The following HHIP variants were observed in gnomAD, a reference collection of about 807,000 sequenced individuals.
The protein encoded by HHIP is hedgehog interacting protein.
A neutral mutation model predicts 74.0 loss-of-function variants in HHIP; 12 were observed. The observed-to-expected ratio is 0.16, with a 90% CI of 0.10 to 0.26. The LOEUF is 0.26. HHIP is among the 10% of genes least tolerant of loss of function. The pLI, the probability that HHIP is intolerant of heterozygous loss-of-function variation, is 1.00. For missense variants in HHIP, 788 were observed against 845.0 expected, an observed-to-expected ratio of 0.93 and a Z score of 0.84; for synonymous variants, 309 against 311.6, an observed-to-expected ratio of 0.99 and a Z score of 0.09.
intron 4 of HHIP, among the ~76,000 whole-genome samples, chr4:144,671,677 C>A (rs982650180): frequency 1.3e-5 from 2 of 152,134 alleles, no homozygotes; most frequent in Admixed American, 6.5e-5. Flanking sequence ...ACGGCCTCAT[C>A]TATGAAGTCA....
intron 11 of HHIP, among the ~76,000 whole-genome samples, chr4:144,730,853 T>C (rs1169325253): frequency 6.6e-6 from 1 of 152,154 alleles, no homozygotes; most frequent in African/African-American, 2.4e-5. Flanking sequence ...AGGGGAATGG[T>C]TGGAATCACC....
At position 144,734,810 on chromosome 4, in the gene HHIP, G is replaced by A. The variant is rs775431119; in HGVS notation, c.1830G>A (p.Arg610=). ...PAQTLTSECS[R]LCRNGYCTPT... is the part of the protein sequence containing the mutation. ...AGACACTGACTTCAGAGTGCTCCAG[G>A]CTCTGTCGAAACGGCTACTGCACCC... The change falls in exon 12 of 13, where the codon AGG becomes AGA. Residue 610 remains arginine, a synonymous_variant. Transcript: ENST00000296575. 4 of 1,613,002 alleles carry A rather than the reference G, an allele frequency of 2.5e-6. No homozygotes were observed. In the African/African-American group the frequency reaches 4.0e-5, roughly 16 times the overall value.
At chr4:144,689,502 A>G (rs996153699) in intron 4 of HHIP, among the ~76,000 whole-genome samples, 2 of 152,206 alleles carry the variant, frequency 1.3e-5, no homozygotes, top group Non-Finnish European at 2.9e-5. Flanking sequence ...TCTCTTTTAC[A>G]TATTTATCAT....
chr4:144,646,573 C>A lies in HHIP; in HGVS notation c.-103C>A. The A allele has an allele frequency of 1.6e-6, 2 of 1,214,568 alleles. No homozygotes were observed. Among genetic ancestry groups the A allele is most frequent in the Non-Finnish European group, 2.3e-6 (2 of 859,224 alleles). The allele number at this position is 1,214,568 out of a possible 1,614,324, so 75.2% of individuals were successfully genotyped here. On this transcript the variant is annotated 5_prime_UTR_variant, in exon 1 of 13. Coordinates refer to ENST00000296575, the MANE Select transcript of HHIP (RefSeq NM_022475.3). Reference sequence around the variant, plus strand: ...CTCCCTCTGTCTCTGGAGTGCCCTACAGCCCCGCAAACTCCTCCTGGAGCT... The same window carrying A: ...CTCCCTCTGTCTCTGGAGTGCCCTAAAGCCCCGCAAACTCCTCCTGGAGCT...
At chr4:144,671,257 T>C (rs1056616170) in intron 4 of HHIP, among the ~76,000 whole-genome samples, 3 of 152,122 alleles carry the variant, frequency 2.0e-5, no homozygotes, top group African/African-American at 7.2e-5. Flanking sequence ...GGCATAGCTC[T>C]TTAATTGCAT....
At chr4:144,695,060 G>T (rs1018332295) in intron 4 of HHIP, among the ~76,000 whole-genome samples, 2 of 151,734 alleles carry the variant, frequency 1.3e-5, no homozygotes, top group African/African-American at 4.8e-5. Flanking sequence ...TTATAAGGGG[G>T]TCTGAAAAAG....
chr4:144,716,286 CA>C (rs1183813333), intron 10 of HHIP, among the ~76,000 whole-genome samples: 1 of 152,070 alleles, frequency 6.6e-6, no homozygotes. Context: ...GAGACTTCAT[CA>C]GAAATAGTTT....
chr4:144,706,721 C>T, intron 5 of HHIP, 39 bp downstream of exon 5: 1 of 1,539,518 alleles, frequency 6.5e-7, no homozygotes, highest in Non-Finnish European at 8.8e-7. Context: ...AATTTCTCAT[C>T]TTATTTTCTC....
At chr4:144,680,135 C>T (rs952674834) in intron 4 of HHIP, among the ~76,000 whole-genome samples, 6 of 152,076 alleles carry the variant, frequency 3.9e-5, no homozygotes, top group African/African-American at 1.2e-4. Flanking sequence ...GTGTTTATGT[C>T]TTACATGTCT....
Position 144,743,981 on chromosome 4 carries a change from G to A in HHIP, c.*6024G>A, listed in dbSNP as rs1230220630. ...TTTCTGGAACAAATTAAGATTTCAT[G>A]TACAATAGAGTCCCTTTCCTAATAC... On this transcript the variant is annotated 3_prime_UTR_variant, in exon 13 of 13. Transcript: ENST00000296575. 1 of 152,046 alleles carries A rather than the reference G, an allele frequency of 6.6e-6. No individual in the cohort carries two copies. The highest frequency in any genetic ancestry group is 1.5e-5 in the Non-Finnish European group (1 of 67,968). The allele number at this position is 152,046 out of a possible 1,614,324, so 9.4% of individuals were successfully genotyped here.
chr4:144,646,814 C>G lies in HHIP; in HGVS notation c.139C>G (p.Arg47Gly). The change falls in exon 1 of 13, where the codon CGC becomes GGC. Residue 47 changes from arginine to glycine, a missense_variant. Physicochemically the swap from Arg to Gly is moderately radical, Grantham distance 125. This residue lies in a region of HHIP where 373 missense variants were observed against 366.4 expected (regional missense o/e 1.02). Transcript: ENST00000296575. ...RRCLNGNPPK[R>G]LKRRDRRMMS... ...GTGCCTGAATGGGAACCCCCCGAAG[C>G]GCCTGAAAAGGAGAGACAGGAGGAT... 4 of 1,614,218 alleles carry G rather than the reference C, an allele frequency of 2.5e-6. No individual in the cohort carries two copies. Among genetic ancestry groups the G allele is most frequent in the Non-Finnish European group, 2.5e-6 (3 of 1,180,038 alleles).
chr4:144,693,498 G>A (rs895291696), intron 4 of HHIP, among the ~76,000 whole-genome samples: 1 of 152,000 alleles, frequency 6.6e-6, no homozygotes, highest in Non-Finnish European at 1.5e-5. Context: ...CATGGAAAAC[G>A]TGAACAGCTG....
intron 4 of HHIP, among the ~76,000 whole-genome samples, chr4:144,692,962 G>A (rs1301368567): frequency 1.3e-5 from 2 of 152,122 alleles, no homozygotes; most frequent in Admixed American, 1.3e-4. Flanking sequence ...TGCTATGAAT[G>A]AATAGGAATC....
In HHIP at chr4:144,738,211, T is replaced by G. The variant is rs1731174144; in HGVS notation, c.*254T>G. 5 of 1,056,274 alleles carry G rather than the reference T, an allele frequency of 4.7e-6. No individual in the cohort carries two copies. Among genetic ancestry groups the G allele is most frequent in the Non-Finnish European group, 5.7e-6 (5 of 874,478 alleles). 65.4% of individuals were successfully genotyped at this position (1,056,274 alleles called of 1,614,324 possible). A position where few individuals can be genotyped will look rare whatever the true frequency, so the allele number is the denominator to read the frequency against. ...TGATTTTTTAAAATATATACTTCCT[T>G]ATGCAAAGTAATTTACACAGAAATT... On this transcript the variant is annotated 3_prime_UTR_variant, in exon 13 of 13. Transcript: ENST00000296575.
At chr4:144,687,551 T>C (rs752793840) in intron 4 of HHIP, among the ~76,000 whole-genome samples, 2 of 152,148 alleles carry the variant, frequency 1.3e-5, no homozygotes, top group Non-Finnish European at 2.9e-5. Flanking sequence ...GCTCATAGTG[T>C]AGTGAGCCTT....
At chr4:144,712,677 A>C (rs1373106312) in intron 8 of HHIP, among the ~76,000 whole-genome samples, 1 of 152,168 alleles carries the variant, frequency 6.6e-6, no homozygotes, top group Non-Finnish European at 1.5e-5. Context: ...AGTTCAAAAC[A>C]CTTAGTATTT....
At chr4:144,727,288 A>T (rs528437646) in intron 11 of HHIP, among the ~76,000 whole-genome samples, 2 of 151,700 alleles carry the variant, frequency 1.3e-5, no homozygotes, top group African/African-American at 4.9e-5. Context: ...TAACGGCAAT[A>T]ATCGCATCAT....
chr4:144,668,220 G>A lies in HHIP; in HGVS notation c.831+8382G>A, dbSNP rs564386344. ...TAATCCCAGCTACTTGGGAAGCTGAGGCAGGAGAATCACTTGAACCCCGGA... is the reference window on the plus strand; with the variant it reads ...TAATCCCAGCTACTTGGGAAGCTGAAGCAGGAGAATCACTTGAACCCCGGA... On this transcript the variant is annotated intron_variant, in intron 4 of 12. Coordinates refer to ENST00000296575, the MANE Select transcript of HHIP (RefSeq NM_022475.3). 1.5e-3 allele frequency among the ~76,000 whole-genome samples: 229 copies of A among 152,138 alleles called. 2 individuals are homozygous for A. Among genetic ancestry groups the A allele is most frequent in the African/African-American group, 5.1e-3 (212 of 41,506 alleles).
intron 4 of HHIP, among the ~76,000 whole-genome samples, chr4:144,684,953 A>G (rs1055708331): frequency 9.9e-5 from 15 of 152,208 alleles, no homozygotes; most frequent in African/African-American, 3.4e-4. Context: ...ACCATTATCA[A>G]TGGAACAATT....
Sources: gnomAD v4.1 joint callset for allele counts (sites outside exome capture counted in the v4.1 genomes callset) on GRCh38, gnomAD v4.1.1 for gene constraint, gnomAD v4.1.1 regional missense constraint, MANE v1.5 for transcripts, NCBI Gene and HGNC (gene_info 2026-07-23, HGNC 2026-07-21) for gene names.